Variants in HCFC2 observed in about 807,000 individuals in gnomAD.
HCFC2 encodes the protein host cell factor 2.
HCFC2 carries 18 observed loss-of-function variants against 89.2 expected under a neutral mutation model. The observed-to-expected ratio is 0.20, with a 90% CI of 0.14 to 0.30. The LOEUF (loss-of-function observed/expected upper bound fraction) is 0.30. Among genes scored for constraint, HCFC2 ranks in the 10% least tolerant of loss-of-function variants. HCFC2 has a pLI of 1.00. For synonymous variants in HCFC2, 308 were observed against 335.7 expected (o/e 0.92, Z 0.90); for missense variants, 578 against 956.1 (o/e 0.60, Z 5.21).
intron 7 of HCFC2, among the ~76,000 whole-genome samples, 181 bp from the exon 8 acceptor site, chr12:104,086,666 C>T (rs1026834498): frequency 7.1e-6 from 1 of 141,230 alleles, no homozygotes; most frequent in East Asian, 2.1e-4. Context: ...AGAATAAGAA[C>T]CCCAAACTAT....
At chr12:104,090,901 A>G (rs1457901980) in intron 9 of HCFC2, 5 of 152,238 alleles carry the variant, frequency 3.3e-5, no homozygotes, top group Non-Finnish European at 7.3e-5. Flanking sequence ...CTTGTTGCTT[A>G]GTAAACCTTA....
chr12:104,105,654 A>G lies in HCFC2; in HGVS notation c.*2381A>G, dbSNP rs1565818382. 1 of 151,904 alleles carries G rather than the reference A, an allele frequency of 6.6e-6. No homozygotes were observed. Among genetic ancestry groups the G allele is most frequent in the Non-Finnish European group, 1.5e-5 (1 of 67,870 alleles). 9.4% of individuals were successfully genotyped at this position (151,904 alleles called of 1,614,324 possible). A position where few individuals can be genotyped will look rare whatever the true frequency, so the allele number is the denominator to read the frequency against. Reference sequence around the variant, plus strand: ...CTCTGTGATAAGGGATTGCTGACTAAAAAATGCCATTAAGAAATCTCTGTG... The same window carrying G: ...CTCTGTGATAAGGGATTGCTGACTAGAAAATGCCATTAAGAAATCTCTGTG... On this transcript the variant is annotated 3_prime_UTR_variant, in exon 15 of 15. Coordinates refer to ENST00000229330, the MANE Select transcript of HCFC2 (RefSeq NM_013320.3).
chr12:104,067,582 A>G (rs772008779), intron 2 of HCFC2, among the ~76,000 whole-genome samples: 3 of 152,260 alleles, frequency 2.0e-5, no homozygotes, highest in Non-Finnish European at 4.4e-5. Flanking sequence ...AGGTTAAAAT[A>G]TTTACCATTC....
intron 9 of HCFC2, among the ~76,000 whole-genome samples, chr12:104,088,535 G>T (rs1384998197): frequency 6.6e-6 from 1 of 152,162 alleles, no homozygotes; most frequent in Non-Finnish European, 1.5e-5. Context: ...TTTATGAAGT[G>T]CATCACAGTA....
intron 9 of HCFC2, among the ~76,000 whole-genome samples, chr12:104,089,270 T>G (rs1054193612): frequency 2.0e-5 from 3 of 152,178 alleles, no homozygotes; most frequent in African/African-American, 7.2e-5. Context: ...CCCAGCACTT[T>G]GGGAGGCCAA....
intron 3 of HCFC2, among the ~76,000 whole-genome samples, chr12:104,076,346 A>T (rs1446553659): frequency 6.6e-6 from 1 of 152,236 alleles, no homozygotes; most frequent in African/African-American, 2.4e-5. Flanking sequence ...TTTGAGTGAC[A>T]TGCTCAAGTC....
intron 12 of HCFC2, 183 bp from the exon 13 acceptor site, chr12:104,098,160 T>C (rs1017450564): frequency 1.7e-5 from 8 of 468,082 alleles, no homozygotes; most frequent in Admixed American, 3.9e-5. Flanking sequence ...TGTGTTTGAA[T>C]TGGCATCCCT....
intron 7 of HCFC2, among the ~76,000 whole-genome samples, chr12:104,083,984 C>T (rs1297724202): frequency 6.6e-6 from 1 of 152,150 alleles, no homozygotes; most frequent in Non-Finnish European, 1.5e-5. Context: ...GCTCTGATTG[C>T]TCCACTGCAC....
chr12:104,070,375 G>A (rs1383371755), intron 3 of HCFC2, among the ~76,000 whole-genome samples: 1 of 152,084 alleles, frequency 6.6e-6, no homozygotes. Flanking sequence ...TTTTAAGCCC[G>A]AATAATATTC....
chr12:104,091,924 T>C (rs1241490143), intron 9 of HCFC2, among the ~76,000 whole-genome samples: 1 of 152,202 alleles, frequency 6.6e-6, no homozygotes, highest in East Asian at 1.9e-4. Flanking sequence ...ATCATTATCA[T>C]CATCACTTAT....
intron 2 of HCFC2, among the ~76,000 whole-genome samples, chr12:104,066,542 C>T (rs1162818199): frequency 2.6e-5 from 4 of 152,200 alleles, no homozygotes; most frequent in African/African-American, 9.7e-5. Flanking sequence ...CCCAAAGTTT[C>T]CTGGCAAGTC....
At chr12:104,066,627 T>A (rs1883157568) in intron 2 of HCFC2, among the ~76,000 whole-genome samples, 1 of 152,234 alleles carries the variant, frequency 6.6e-6, no homozygotes, top group Non-Finnish European at 1.5e-5. Context: ...ATGTTATATA[T>A]TTAGGTTTTT....
At chr12:104,079,423 A>T in intron 3 of HCFC2, 22 bp from the exon 4 acceptor site, 1 of 1,548,506 alleles carries the variant, frequency 6.5e-7, no homozygotes, top group Non-Finnish European at 8.9e-7. Flanking sequence ...TGAATGTTTT[A>T]ATTTTTTCTA....
chr12:104,080,434 G>A (rs1883650805), intron 4 of HCFC2: 1 of 222,556 alleles, frequency 4.5e-6, no homozygotes, highest in African/African-American at 2.4e-5. Flanking sequence ...TATTATTTAG[G>A]GAATAATGAC....
At chr12:104,069,863 C>T (rs1043759149) in intron 3 of HCFC2, among the ~76,000 whole-genome samples, 6 of 151,992 alleles carry the variant, frequency 3.9e-5, no homozygotes, top group Non-Finnish European at 7.4e-5. Context: ...CTGCAACCCC[C>T]GATATGCCCT....
chr12:104,101,352 G>A (rs1032682016), intron 13 of HCFC2, among the ~76,000 whole-genome samples: 8 of 152,082 alleles, frequency 5.3e-5, no homozygotes, highest in Non-Finnish European at 1.0e-4. Flanking sequence ...GGGTGTGGTG[G>A]CAGGCATCGG....
In HCFC2 at chr12:104,103,634, A is replaced by T. The variant is rs770980433; in HGVS notation, c.*361A>T. On this transcript the variant is annotated 3_prime_UTR_variant, in exon 15 of 15. Coordinates refer to ENST00000229330, the MANE Select transcript of HCFC2 (RefSeq NM_013320.3). The stretch of plus-strand genomic sequence containing the variant: ...TTCTGGTAACTGGCTGTTGTATACT[A>T]TGCTGTCTTATATAGTAAATGTTCT... The T allele has an allele frequency of 3.7e-5, 8 of 215,764 alleles. No individual in the cohort carries two copies. The highest frequency in any genetic ancestry group is 1.1e-4 in the Admixed American group (2 of 19,032). The allele number at this position is 215,764 out of a possible 1,614,324, so 13.4% of individuals were successfully genotyped here.
chr12:104,077,996 T>TTATG (rs1475852909), intron 3 of HCFC2, among the ~76,000 whole-genome samples: 1 of 152,144 alleles, frequency 6.6e-6, no homozygotes, highest in Non-Finnish European at 1.5e-5. Context: ...TATTATTTAT[T>TTATG]TATGTATTTA....
intron 8 of HCFC2, among the ~76,000 whole-genome samples, chr12:104,087,410 CGTGTGTGTGTGTGTGTGT>C (rs10548495): frequency 7.5e-6 from 1 of 133,210 alleles, no homozygotes; most frequent in African/African-American, 2.9e-5. Context: ...TACTGCAGTA[CGTGTGTGTGTGTGTGTGT>C]GTGTGTGTGT....
Sources: allele counts gnomAD v4.1 joint callset (sites outside exome capture counted in the v4.1 genomes callset), GRCh38; gene constraint gnomAD v4.1.1; transcripts MANE v1.5; gene names NCBI Gene and HGNC (gene_info 2026-07-23, HGNC 2026-07-21).